CHST8: variants seen among roughly 807,000 people sequenced by gnomAD.
The protein encoded by CHST8 is GALNAC-4-ST1.
CHST8 carries 10 observed loss-of-function variants against 15.0 expected under a neutral mutation model. That is an observed-to-expected ratio of 0.67 (90% CI 0.41 to 1.13). CHST8 has a LOEUF of 1.13. Ranked by LOEUF, CHST8 falls within the 50% of genes most tolerant of loss-of-function variation. The pLI is 0.00. For missense variants in CHST8, 634 were observed against 608.2 expected, an observed-to-expected ratio of 1.04 and a Z score of -0.45; for synonymous variants, 259 against 256.6, an observed-to-expected ratio of 1.01 and a Z score of -0.09.
rs150077165 is a variant in CHST8, at chr19:33,624,809, T to C, written c.-164+2513T>C. Among the ~76,000 whole-genome samples, 1,408 of 152,284 alleles carry C rather than the reference T, an allele frequency of 9.2e-3. 19 individuals are homozygous for C. Among genetic ancestry groups the C allele is most frequent in the South Asian group, 0.031 (150 of 4,822 alleles). ...GGGAGCTTTGATCATTGCTGATGCG[T>C]CTGGCTGGAGAAATTTTTAGTGAGT... is the stretch of plus-strand genomic sequence containing the variant. On this transcript the variant is annotated intron_variant, in intron 1 of 4. Transcript: ENST00000650847.
intron 3 of CHST8, among the ~76,000 whole-genome samples, chr19:33,760,154 A>G (rs968617344): frequency 1.3e-5 from 2 of 152,022 alleles, no homozygotes; most frequent in African/African-American, 4.8e-5. Flanking sequence ...TAAATTCAAA[A>G]TAACTCCACA....
At chr19:33,697,521 G>A (rs1973243315) in intron 3 of CHST8, among the ~76,000 whole-genome samples, 1 of 152,192 alleles carries the variant, frequency 6.6e-6, no homozygotes, top group Non-Finnish European at 1.5e-5. Context: ...CTGAGCCACT[G>A]TGCCCGGCCT....
intron 1 of CHST8, among the ~76,000 whole-genome samples, chr19:33,629,905 T>G (rs1486828204): frequency 2.0e-5 from 3 of 152,392 alleles, no homozygotes; most frequent in Non-Finnish European, 2.9e-5. Context: ...CCATTCTGTC[T>G]GTTGCCTTCA....
At chr19:33,633,723 A>T (rs1396570930) in intron 1 of CHST8, among the ~76,000 whole-genome samples, 1 of 151,034 alleles carries the variant, frequency 6.6e-6, no homozygotes. Flanking sequence ...TGTACTTAGA[A>T]GAGAATTGTT....
At chr19:33,674,442 C>A (rs545801911) in intron 2 of CHST8, among the ~76,000 whole-genome samples, 2 of 152,328 alleles carry the variant, frequency 1.3e-5, no homozygotes, top group African/African-American at 4.8e-5. Flanking sequence ...CCATGCCTGG[C>A]TTAATTATTT....
chr19:33,650,964 G>T (rs1192066510), intron 1 of CHST8, among the ~76,000 whole-genome samples: 1 of 152,064 alleles, frequency 6.6e-6, no homozygotes, highest in East Asian at 1.9e-4. Flanking sequence ...ACCTCCCAAA[G>T]TGCTGGGATT....
chr19:33,707,335 T>C (rs1599570759), intron 3 of CHST8, among the ~76,000 whole-genome samples: 1 of 152,188 alleles, frequency 6.6e-6, no homozygotes, highest in African/African-American at 2.4e-5. Context: ...ATTACACGCA[T>C]GAGCCACCTA....
intron 1 of CHST8, among the ~76,000 whole-genome samples, chr19:33,647,595 T>C (rs918440343): frequency 6.6e-6 from 1 of 152,140 alleles, no homozygotes; most frequent in African/African-American, 2.4e-5. Context: ...CTTATAATCC[T>C]AGCACTTTGG....
chr19:33,751,018 C>T (rs1974407892), intron 3 of CHST8, among the ~76,000 whole-genome samples: 1 of 152,138 alleles, frequency 6.6e-6, no homozygotes. Flanking sequence ...ACAAGCTCTC[C>T]TTTTAATAAT....
In CHST8 at chr19:33,754,977, C is replaced by T. The variant is rs115706654; in HGVS notation, c.131-16436C>T. 5.4e-3 allele frequency among the ~76,000 whole-genome samples: 827 copies of T among 152,312 alleles called. 8 individuals carry two copies. The highest frequency in any genetic ancestry group is 0.019 in the African/African-American group (781 of 41,580). On this transcript the variant is annotated intron_variant, in intron 3 of 4. Transcript: ENST00000650847. ...GTCTGCAGCCTGATCCTCCTTCTTC[C>T]GAGCAGCTCAGCCCTGCAGAGCCAT...
intron 3 of CHST8, among the ~76,000 whole-genome samples, chr19:33,730,479 G>A (rs1973974685): frequency 1.3e-5 from 2 of 152,216 alleles, no homozygotes; most frequent in African/African-American, 4.8e-5. Context: ...AAGGAAAGAA[G>A]TGGCACATGC....
chr19:33,731,105 CACAG>C (rs1480672305), intron 3 of CHST8, among the ~76,000 whole-genome samples: 1 of 152,218 alleles, frequency 6.6e-6, no homozygotes, highest in African/African-American at 2.4e-5. Flanking sequence ...GCAACACCCT[CACAG>C]ACACACCCAG....
chr19:33,627,103 G>C (rs1162400087), intron 1 of CHST8, among the ~76,000 whole-genome samples: 1 of 123,060 alleles, frequency 8.1e-6, no homozygotes, highest in Non-Finnish European at 1.7e-5. Flanking sequence ...TTTTTTGGGG[G>C]GGGGGCGGGT....
At chr19:33,682,440 A>AGT (rs1233218340) in intron 2 of CHST8, among the ~76,000 whole-genome samples, 1 of 152,056 alleles carries the variant, frequency 6.6e-6, no homozygotes, top group African/African-American at 2.4e-5. Flanking sequence ...ATCATTTTTA[A>AGT]GTGTACAGTC....
intron 3 of CHST8, among the ~76,000 whole-genome samples, chr19:33,737,854 C>A (rs1362264689): frequency 6.6e-6 from 1 of 152,198 alleles, no homozygotes; most frequent in Non-Finnish European, 1.5e-5. Context: ...TAGCCACGTA[C>A]CTGGCCCCCA....
chr19:33,743,995 T>C (rs1040417977), intron 3 of CHST8, among the ~76,000 whole-genome samples: 4 of 151,974 alleles, frequency 2.6e-5, no homozygotes, highest in African/African-American at 9.7e-5. Flanking sequence ...TTCACCATGT[T>C]GACCAGGCTG....
chr19:33,672,511 AT>A (rs1286390563), intron 2 of CHST8, among the ~76,000 whole-genome samples: 1 of 151,946 alleles, frequency 6.6e-6, no homozygotes, highest in African/African-American at 2.4e-5. Flanking sequence ...CATCAAAAGT[AT>A]TTTTTCATCT....
intron 1 of CHST8, among the ~76,000 whole-genome samples, chr19:33,659,629 A>C (rs1453313330): frequency 6.6e-6 from 1 of 151,836 alleles, no homozygotes; most frequent in African/African-American, 2.4e-5. Context: ...CAGGAGTTGG[A>C]GAGATCTTGT....
chr19:33,772,751 C>G lies in CHST8; in HGVS notation c.963C>G (p.Pro321=). The G allele has an allele frequency of 6.2e-7, 1 of 1,613,424 alleles. No homozygotes were observed. Among genetic ancestry groups the G allele is most frequent in the Non-Finnish European group, 8.5e-7 (1 of 1,180,006 alleles). The change falls in exon 5 of 5, where the codon CCC becomes CCG. Residue 321 remains proline (P), a synonymous_variant. Coordinates refer to ENST00000650847, the MANE Select transcript of CHST8 (RefSeq NM_001127895.2). ...AGTACCTGCTGGACGTGCACCGGCCCGTGGGGATGGACATTCACTGGGACC... is the reference window on the plus strand; with the variant it reads ...AGTACCTGCTGGACGTGCACCGGCCGGTGGGGATGGACATTCACTGGGACC... The part of the protein sequence containing the change: ...FVQYLLDVHR[P]VGMDIHWDHV...
Sources: gnomAD v4.1 joint callset for allele counts (sites outside exome capture counted in the v4.1 genomes callset) on GRCh38, gnomAD v4.1.1 for gene constraint, MANE v1.5 for transcripts, NCBI Gene and HGNC (gene_info 2026-07-23, HGNC 2026-07-21) for gene names.